Variants in SOX5 observed in about 807,000 individuals in gnomAD.
SOX5 encodes the protein transcription factor SOX-5.
In SOX5, 9 loss-of-function variants were observed where a neutral mutation model predicts 92.0. The ratio of observed to expected loss-of-function variants is 0.10; its 90% CI spans 0.06 to 0.17. The LOEUF (loss-of-function observed/expected upper bound fraction) is 0.17. SOX5 is among the 10% of genes least tolerant of loss of function. SOX5 has a pLI of 1.00. For missense variants in SOX5, 642 were observed against 944.5 expected, an observed-to-expected ratio of 0.68 and a Z score of 4.20; for synonymous variants, 344 against 336.3, an observed-to-expected ratio of 1.02 and a Z score of -0.25.
chr12:23,830,113 A>G (rs1002252338), intron 3 of SOX5, among the ~76,000 whole-genome samples: 7 of 152,206 alleles, frequency 4.6e-5, no homozygotes, highest in Non-Finnish European at 7.3e-5. Flanking sequence ...AGGAGATGAC[A>G]GTGAACAAGT....
At chr12:23,694,889 C>T (rs1481833547) in intron 6 of SOX5, among the ~76,000 whole-genome samples, 2 of 152,096 alleles carry the variant, frequency 1.3e-5, no homozygotes, top group Non-Finnish European at 2.9e-5. Flanking sequence ...GAGGCCAAGG[C>T]AGAAAGATCA....
At chr12:24,448,993 C>T (rs1477935069) in intron 1 of SOX5, among the ~76,000 whole-genome samples, 1 of 152,122 alleles carries the variant, frequency 6.6e-6, no homozygotes, top group Non-Finnish European at 1.5e-5. Context: ...CCGCTACACC[C>T]CGCTTCCATT....
At chr12:24,511,212 T>C (rs977485573) in intron 1 of SOX5, among the ~76,000 whole-genome samples, 8 of 152,242 alleles carry the variant, frequency 5.3e-5, no homozygotes, top group Non-Finnish European at 8.8e-5. Context: ...AAAAATTTTC[T>C]TTCAATTTTC....
intron 4 of SOX5, among the ~76,000 whole-genome samples, chr12:24,048,735 G>T (rs557108861): frequency 6.6e-6 from 1 of 152,120 alleles, no homozygotes; most frequent in Non-Finnish European, 1.5e-5. Context: ...AAAACATTAC[G>T]CTAAGTGAAA....
chr12:24,184,015 T>G (rs1955776885), intron 4 of SOX5, among the ~76,000 whole-genome samples: 1 of 152,174 alleles, frequency 6.6e-6, no homozygotes, highest in Admixed American at 6.6e-5. Context: ...TATAATTTCA[T>G]GCTATCTGTA....
intron 2 of SOX5, among the ~76,000 whole-genome samples, chr12:24,314,654 A>G (rs958221810): frequency 6.6e-6 from 1 of 152,206 alleles, no homozygotes; most frequent in African/African-American, 2.4e-5. Context: ...ACAATGCCCT[A>G]TGCGGCCTAA....
At chr12:24,550,611 T>G (rs1953061724) in intron 1 of SOX5, among the ~76,000 whole-genome samples, 1 of 152,186 alleles carries the variant, frequency 6.6e-6, no homozygotes, top group Admixed American at 6.5e-5. Context: ...TCGGAAAGAT[T>G]ATGTTGAAAA....
intron 4 of SOX5, among the ~76,000 whole-genome samples, chr12:24,067,873 G>A (rs541248877): frequency 1.3e-5 from 2 of 152,290 alleles, no homozygotes; most frequent in East Asian, 1.9e-4. Context: ...GGCCAGGTGC[G>A]GCGGCTCACG....
chr12:23,552,029 T>C (rs1224395246), intron 11 of SOX5, among the ~76,000 whole-genome samples: 1 of 151,058 alleles, frequency 6.6e-6, no homozygotes, highest in Non-Finnish European at 1.5e-5. Flanking sequence ...AGTGTAGAAA[T>C]TTGAGAGTTT....
intron 1 of SOX5, among the ~76,000 whole-genome samples, chr12:24,531,080 T>C (rs1011278916): frequency 6.6e-6 from 1 of 152,210 alleles, no homozygotes; most frequent in African/African-American, 2.4e-5. Context: ...GGAAATTATC[T>C]ATTTGCAAGC....
intron 1 of SOX5, among the ~76,000 whole-genome samples, chr12:23,943,809 T>C (rs961522930): frequency 6.6e-6 from 1 of 152,132 alleles, no homozygotes; most frequent in Non-Finnish European, 1.5e-5. Flanking sequence ...GTTTTAAATT[T>C]TCCTTCTGTC....
intron 3 of SOX5, among the ~76,000 whole-genome samples, chr12:23,844,489 G>C (rs532802806): frequency 6.6e-6 from 1 of 152,112 alleles, no homozygotes; most frequent in East Asian, 1.9e-4. Flanking sequence ...ATCACCTGCA[G>C]CCATGACTTC....
At chr12:23,691,947 T>A (rs564919486) in intron 6 of SOX5, among the ~76,000 whole-genome samples, 1 of 152,268 alleles carries the variant, frequency 6.6e-6, no homozygotes, top group Admixed American at 6.5e-5. Context: ...CTTAATTTCT[T>A]GAGTGGACAG....
At position 23,792,374 on chromosome 12, in the gene SOX5, C is replaced by T. The variant is rs1006530495; in HGVS notation, c.482-36650G>A. Among the ~76,000 whole-genome samples, 7 of 151,880 alleles carry T rather than the reference C, an allele frequency of 4.6e-5. No individual in the cohort carries two copies. The East Asian group carries it at 1.4e-3, about 30-fold the overall frequency. ...GCACAGTGGCTCATGACTGTAATCC[C>T]AGAACTTTGGGAGACCGAGGTGGGT... On this transcript the variant is annotated intron_variant, in intron 3 of 14. Transcript: ENST00000451604.
At chr12:23,883,326 G>A (rs1359424877) in intron 2 of SOX5, among the ~76,000 whole-genome samples, 1 of 152,066 alleles carries the variant, frequency 6.6e-6, no homozygotes, top group Non-Finnish European at 1.5e-5. Flanking sequence ...TAAGACTACT[G>A]AATCACTTAA....
rs1423219570 is a variant in SOX5 at position 24,305,703 on chromosome 12, T to C, written c.-173-28391A>G. Among the ~76,000 whole-genome samples, 3 of 152,296 alleles carry C rather than the reference T, an allele frequency of 2.0e-5. No homozygotes were observed. The East Asian group carries it at 5.8e-4, about 29-fold the overall frequency. ...ACTTCTGCCTCCCAGGTTCAAGTGA[T>C]TCTCCTGCCTCAGCCTCCTGAGTAG... is the stretch of plus-strand genomic sequence containing the variant. On this transcript the variant is annotated intron_variant, in intron 2 of 4. Coordinates refer to the SOX5 transcript ENST00000446891.
At chr12:24,370,114 C>T (rs1956570038) in intron 1 of SOX5, among the ~76,000 whole-genome samples, 1 of 152,136 alleles carries the variant, frequency 6.6e-6, no homozygotes, top group Non-Finnish European at 1.5e-5. Context: ...ACAAGTAAAA[C>T]TTCTAAATAT....
At chr12:23,883,111 G>A (rs139006057) in intron 2 of SOX5, among the ~76,000 whole-genome samples, 2,505 of 151,992 alleles carry the variant, frequency 0.016, 59 homozygotes, top group African/African-American at 0.057. Flanking sequence ...AACCCGGGAG[G>A]TGGAGCTTGC....
intron 1 of SOX5, among the ~76,000 whole-genome samples, chr12:24,480,675 T>A (rs1945888715): frequency 6.6e-6 from 1 of 152,142 alleles, no homozygotes; most frequent in Admixed American, 6.6e-5. Flanking sequence ...ACATCATTGA[T>A]CATCAGATAA....
Sources: allele counts gnomAD v4.1 joint callset (sites outside exome capture counted in the v4.1 genomes callset), GRCh38; gene constraint gnomAD v4.1.1; transcripts MANE v1.5; gene names NCBI Gene and HGNC (gene_info 2026-07-23, HGNC 2026-07-21).